Variants in USP24 observed in about 807,000 individuals in gnomAD.
USP24 encodes ubiquitin specific peptidase 24, also known as ubiquitin carboxyl-terminal hydrolase 24.
Under a neutral mutation model 361.6 loss-of-function variants are expected in USP24, and 97 were observed. The observed-to-expected ratio is 0.27, with a 90% confidence interval of 0.23 to 0.32. The LOEUF is 0.32. USP24 is among the 10% of genes least tolerant of loss of function. The probability of loss-of-function intolerance (pLI) is 1.00; values close to 1 mark genes in which losing one functional copy is unlikely to be tolerated. For missense variants in USP24, 2,353 were observed against 3,165.6 expected (o/e 0.74, Z 6.16); for synonymous variants, 1,098 against 1,124.6 (o/e 0.98, Z 0.47).
At chr1:55,115,436 C>G (rs1646080937) in intron 38 of USP24, among the ~76,000 whole-genome samples, 1 of 135,628 alleles carries the variant, frequency 7.4e-6, no homozygotes, top group Non-Finnish European at 1.5e-5. Context: ...GCGGAGCTTG[C>G]AGTGAGCCGA....
intron 55 of USP24, chr1:55,086,385 G>T: frequency 3.6e-6 from 1 of 274,130 alleles, no homozygotes; most frequent in Non-Finnish European, 7.1e-6. Flanking sequence ...GATGCAAACA[G>T]ATCCAGAATA....
At chr1:55,185,075 C>A (rs1002427023) in intron 1 of USP24, among the ~76,000 whole-genome samples, 4 of 151,846 alleles carry the variant, frequency 2.6e-5, no homozygotes, top group African/African-American at 9.7e-5. Flanking sequence ...CTCCCACTTC[C>A]CAGCTCCCCA....
chr1:55,178,862 T>TACAAA lies in USP24; in HGVS notation c.325-735_325-731dup, dbSNP rs952004825. Among the ~76,000 whole-genome samples the TACAAA allele has an allele frequency of 5.9e-5, 9 of 152,062 alleles. No homozygotes were observed. The East Asian group carries it at 7.7e-4, about 13-fold the overall frequency. On this transcript the variant is annotated intron_variant, in intron 1 of 67. Coordinates refer to ENST00000294383, the MANE Select transcript of USP24 (RefSeq NM_015306.3). ...GCAACAGAGTGAGAGCCTGTCTCTCTACAAAACAAAACAAAACAAACAACA... is the reference window on the plus strand; with the variant it reads ...GCAACAGAGTGAGAGCCTGTCTCTCTACAAAACAAAACAAAACAAAACAAACAACA...
chr1:55,162,103 G>T, intron 8 of USP24, 96 bp downstream of exon 8: 1 of 1,118,442 alleles, frequency 8.9e-7, no homozygotes, highest in Non-Finnish European at 1.2e-6. Context: ...GAGTTACTCT[G>T]GATTAAAGAC....
At chr1:55,187,784 T>G (rs1115060) in intron 1 of USP24, among the ~76,000 whole-genome samples, 4,071 of 152,240 alleles carry the variant, frequency 0.027, 135 homozygotes, top group African/African-American at 0.073. Flanking sequence ...TTATAAGAAC[T>G]AAATAAACAA....
chr1:55,112,731 G>A (rs898585511), intron 38 of USP24, among the ~76,000 whole-genome samples: 1 of 152,184 alleles, frequency 6.6e-6, no homozygotes, highest in African/African-American at 2.4e-5. Context: ...TGAAAAGAAT[G>A]TATATTCTGT....
At chr1:55,185,899 T>G (rs1218178276) in intron 1 of USP24, among the ~76,000 whole-genome samples, 1 of 152,078 alleles carries the variant, frequency 6.6e-6, no homozygotes, top group Admixed American at 6.6e-5. Flanking sequence ...CTTACAGAAA[T>G]AAATATGGTA....
rs948546933 is a variant in USP24 at position 55,079,541 on chromosome 1, T to C, written c.7197A>G (p.Leu2399=). ...LFMSEGKPYL[L]EVMFALRELT... ...CTTTAGAATAACAAGTACATACCTCTAACAGGTAAGGTTTCCCTTCAGACA... is the reference window on the plus strand; with the variant it reads ...CTTTAGAATAACAAGTACATACCTCCAACAGGTAAGGTTTCCCTTCAGACA... Residue 2399 remains leucine (L), a synonymous_variant, in exon 60 of 68, where the codon TTA becomes TTG. Transcript: ENST00000294383. The C allele has an allele frequency of 2.4e-5, 37 of 1,572,942 alleles. No homozygotes were observed. Among genetic ancestry groups the C allele is most frequent in the African/African-American group, 5.5e-5 (4 of 72,340 alleles).
intron 3 of USP24, among the ~76,000 whole-genome samples, chr1:55,173,023 T>G (rs958638013): frequency 6.6e-6 from 1 of 152,194 alleles, no homozygotes; most frequent in African/African-American, 2.4e-5. Context: ...TTAATATATC[T>G]TGATGGCTGG....
At chr1:55,127,320 T>C (rs1646460895) in intron 32 of USP24, among the ~76,000 whole-genome samples, 1 of 152,156 alleles carries the variant, frequency 6.6e-6, no homozygotes, top group Admixed American at 6.5e-5. Flanking sequence ...ATGCGGTGTT[T>C]GGTTTTTTGT....
intron 3 of USP24, among the ~76,000 whole-genome samples, chr1:55,175,026 T>C (rs572942767): frequency 1.1e-4 from 17 of 152,184 alleles, no homozygotes; most frequent in African/African-American, 3.1e-4. Flanking sequence ...TGAAGATAAA[T>C]CTTCATTTCA....
Position 55,172,423 on chromosome 1 carries a change from A to G in USP24, c.656T>C (p.Ile219Thr). ...ACCAGTGGGAATTGGATCTTGTTTT[A>G]TTCTCTCTGCGACCAGTTCTATTAA... ...MLLIELVAER[I>T]KQDPIPTGLL... Residue 219 changes from isoleucine to threonine, a missense_variant, in exon 4 of 68, where the codon ATA (isoleucine) becomes ACA (threonine). Physicochemically the swap from Ile to Thr is moderately conservative, Grantham distance 89. Around this residue, in one of 8 missense-constraint regions of USP24, gnomAD observed 386 missense variants for 560.5 expected, o/e 0.69. Transcript: ENST00000294383. 6.2e-7 allele frequency: 1 copy of G among 1,613,464 alleles called. No homozygotes were observed. Among genetic ancestry groups the G allele is most frequent in the South Asian group, 1.1e-5 (1 of 91,032 alleles).
chr1:55,144,817 CCAG>C (rs2100702346), intron 20 of USP24, among the ~76,000 whole-genome samples: 1 of 152,122 alleles, frequency 6.6e-6, no homozygotes, highest in East Asian at 1.9e-4. Context: ...GCCTATAATC[CCAG>C]CTACTCGGGA....
chr1:55,120,401 G>A (rs1038010832), intron 38 of USP24, among the ~76,000 whole-genome samples, 195 bp downstream of exon 38: 2 of 152,122 alleles, frequency 1.3e-5, no homozygotes, highest in Non-Finnish European at 2.9e-5. Flanking sequence ...GAGAACTGAG[G>A]ACATGGAGAA....
At chr1:55,151,186 A>C (rs2100729678) in intron 16 of USP24, among the ~76,000 whole-genome samples, 1 of 152,332 alleles carries the variant, frequency 6.6e-6, no homozygotes, top group Non-Finnish European at 1.5e-5. Context: ...AGTATTTAAA[A>C]AAAGCTTTCA....
Position 55,100,920 on chromosome 1 carries a change from G to T in USP24, c.5190C>A (p.Ser1730Arg). The change falls in exon 44 of 68, where the codon AGC (serine) becomes AGA (arginine). Residue 1730 changes from serine to arginine, a missense_variant. Ser to Arg is a moderately radical substitution (Grantham distance 110). Coordinates refer to ENST00000294383, the MANE Select transcript of USP24 (RefSeq NM_015306.3). ...VDDDTDNPDD[S>R]VFYQVQSLFG... ...AGAGAGACTGCACTTGGTAAAACAC[G>T]CTATCATCTGGATTGTCTGTGTCAT... 1 of 1,613,512 alleles carries T rather than the reference G, an allele frequency of 6.2e-7. No individual in the cohort carries two copies. Among genetic ancestry groups the T allele is most frequent in the South Asian group, 1.1e-5 (1 of 91,044 alleles).
chr1:55,093,947 C>T lies in USP24; in HGVS notation c.6344G>A (p.Arg2115Gln), dbSNP rs769740932. 3.8e-5 allele frequency: 61 copies of T among 1,613,444 alleles called. No individual in the cohort carries two copies. Among genetic ancestry groups the T allele is most frequent in the Admixed American group, 6.7e-5 (4 of 59,936 alleles). Residue 2115 changes from arginine to glutamine, a missense_variant, in exon 52 of 68, where the codon CGA becomes CAA. Arg to Gln is a conservative substitution (Grantham distance 43, BLOSUM62 1). This residue lies in a region of USP24 where 598 missense variants were observed against 761.9 expected (regional missense o/e 0.78). Transcript: ENST00000294383. ...TTATATGGTTCTTACCTGGTATATT[C>T]GAGCAGGCATTTTCTCCACAAACAG... The part of the protein sequence containing the change: ...KGLFVEKMPA[R>Q]IYQMVRDENL...
intron 1 of USP24, among the ~76,000 whole-genome samples, chr1:55,213,743 C>CT (rs987174931): frequency 1.3e-5 from 2 of 152,106 alleles, no homozygotes; most frequent in Non-Finnish European, 2.9e-5. Flanking sequence ...TCTGGTCGAT[C>CT]TTTTTTCTTT....
rs750384981 is a variant in USP24, at chr1:55,083,345, T to C, written c.6902A>G (p.Asp2301Gly). 3 of 1,613,568 alleles carry C rather than the reference T, an allele frequency of 1.9e-6. No individual in the cohort carries two copies. Among genetic ancestry groups the C allele is most frequent in the South Asian group, 1.1e-5 (1 of 91,066 alleles). ...CAGAGCTGAATGCCTCAGAAGAAGA[T>C]CTCCAGCCCTAATTCCTTGCTGTCA... Reference protein sequence around the residue: ...FVQKQGIRAGDLLLRHSALRH... With the variant: ...FVQKQGIRAGGLLLRHSALRH... Residue 2301 changes from aspartate (D) to glycine (G), a missense_variant, in exon 58 of 68, where the codon GAT (aspartate) becomes GGT (glycine). Transcript: ENST00000294383.
Sources: allele counts gnomAD v4.1 joint callset (sites outside exome capture counted in the v4.1 genomes callset), GRCh38; gene constraint gnomAD v4.1.1; regional missense constraint gnomAD v4.1.1; transcripts MANE v1.5; gene names NCBI Gene and HGNC (gene_info 2026-07-23, HGNC 2026-07-21).